Variants in ASIC5 observed in about 807,000 individuals in gnomAD.
ASIC5 encodes acid sensing ion channel subunit family member 5.
In ASIC5, 52 loss-of-function variants were observed where a neutral mutation model predicts 51.2. That is an observed-to-expected ratio of 1.02 (90% CI 0.81 to 1.28). The LOEUF (loss-of-function observed/expected upper bound fraction) is 1.28, where lower values mean the gene tolerates loss of function less well. Among genes scored for constraint, ASIC5 ranks in the 50% most tolerant of loss-of-function variants. The probability of loss-of-function intolerance (pLI) is 0.00; values close to 1 mark genes in which losing one functional copy is unlikely to be tolerated. For missense variants in ASIC5, 635 were observed against 595.0 expected (o/e 1.07, Z -0.70); for synonymous variants, 231 against 200.7 (o/e 1.15, Z -1.28).
At chr4:155,851,074 T>TGAGA (rs1741371665) in intron 4 of ASIC5, among the ~76,000 whole-genome samples, 2 of 152,064 alleles carry the variant, frequency 1.3e-5, no homozygotes, top group African/African-American at 4.8e-5. Context: ...CTTAACTGTC[T>TGAGA]AGTCTGGAGA....
At chr4:155,836,029 A>G (rs1740970930) in intron 8 of ASIC5, among the ~76,000 whole-genome samples, 3 of 152,236 alleles carry the variant, frequency 2.0e-5, no homozygotes, top group Admixed American at 2.0e-4. Context: ...CAAAGAAGAA[A>G]CAAAGAGAAA....
intron 7 of ASIC5, among the ~76,000 whole-genome samples, chr4:155,837,991 A>C (rs535352374): frequency 6.6e-6 from 1 of 152,120 alleles, no homozygotes; most frequent in Non-Finnish European, 1.5e-5. Context: ...TTTCAAGTCT[A>C]TTGGTTAGTA....
intron 2 of ASIC5, among the ~76,000 whole-genome samples, chr4:155,860,745 A>G (rs571260402): frequency 1.3e-5 from 2 of 151,854 alleles, no homozygotes; most frequent in East Asian, 3.9e-4. Context: ...TTTCAATGTC[A>G]TCTAACACAA....
rs1388342551 is a variant in ASIC5, at chr4:155,842,195, G to C, written c.1009+12C>G. The C allele has an allele frequency of 6.2e-7, 1 of 1,612,480 alleles. No homozygotes were observed. Among genetic ancestry groups the C allele is most frequent in the East Asian group, 2.2e-5 (1 of 44,834 alleles). ...GTCTAGTTAAGTAAGGGGGCAGTTA[G>C]TCTTTATTTACCAGGAAGAAGAAAA... On this transcript the variant is annotated intron_variant, in intron 6 of 9. Coordinates refer to ENST00000537611, the MANE Select transcript of ASIC5 (RefSeq NM_017419.3).
chr4:155,838,541 A>G (rs1741045136), intron 7 of ASIC5, among the ~76,000 whole-genome samples: 1 of 152,214 alleles, frequency 6.6e-6, no homozygotes, highest in South Asian at 2.1e-4. Flanking sequence ...AACTTGTTTT[A>G]TTTGTGAAAC....
At chr4:155,837,977 A>T (rs1314591708) in intron 7 of ASIC5, among the ~76,000 whole-genome samples, 1 of 152,176 alleles carries the variant, frequency 6.6e-6, no homozygotes, top group African/African-American at 2.4e-5. Context: ...ATCTGGCAAC[A>T]TCATTTCAAG....
chr4:155,834,343 CA>C (rs756175074), intron 8 of ASIC5, among the ~76,000 whole-genome samples: 6 of 152,130 alleles, frequency 3.9e-5, no homozygotes, highest in Non-Finnish European at 4.4e-5. Flanking sequence ...CTGCTGCTAA[CA>C]TTTCACATTT....
At chr4:155,865,537 T>G (rs1741840257) in intron 1 of ASIC5, among the ~76,000 whole-genome samples, 1 of 152,104 alleles carries the variant, frequency 6.6e-6, no homozygotes. Flanking sequence ...ACAAGCAAAG[T>G]GTGGCTAGTT....
At chr4:155,837,484 T>C (rs1420589165) in intron 7 of ASIC5, among the ~76,000 whole-genome samples, 1 of 152,144 alleles carries the variant, frequency 6.6e-6, no homozygotes, top group Non-Finnish European at 1.5e-5. Flanking sequence ...GTCTCCAGCT[T>C]CCCTTTGGAC....
Position 155,863,562 on chromosome 4 carries a change from C to A in ASIC5, c.233G>T (p.Trp78Leu). ...VVLGSVSLVTWQIYIRLLNYF... is the reference protein window; with the variant it reads ...VVLGSVSLVTLQIYIRLLNYF... ...GTTGAGCAAGCGAATGTAGATCTGCCATGTCACAAGTGAGACTGAGCCCAG... is the reference window on the plus strand; with the variant it reads ...GTTGAGCAAGCGAATGTAGATCTGCAATGTCACAAGTGAGACTGAGCCCAG... Residue 78 changes from tryptophan to leucine, a missense_variant, in exon 2 of 10, where the codon TGG becomes TTG. Physicochemically the swap from Trp to Leu is moderately conservative, Grantham distance 61 (BLOSUM62 -2). Transcript: ENST00000537611. 5.6e-6 allele frequency: 9 copies of A among 1,613,502 alleles called. No individual in the cohort carries two copies. Among genetic ancestry groups the A allele is most frequent in the Non-Finnish European group, 6.8e-6 (8 of 1,179,824 alleles).
At chr4:155,835,513 C>T (rs1249158110) in intron 8 of ASIC5, among the ~76,000 whole-genome samples, 1 of 151,980 alleles carries the variant, frequency 6.6e-6, no homozygotes, top group East Asian at 1.9e-4. Context: ...AAAATCATGC[C>T]TACTTTCTCT....
chr4:155,845,400 G>C (rs1741218129), intron 4 of ASIC5, among the ~76,000 whole-genome samples: 1 of 94,904 alleles, frequency 1.1e-5, no homozygotes, highest in Admixed American at 1.4e-4. Context: ...TTTTTTTTGA[G>C]CAAAAGTTTT....
At chr4:155,848,071 A>G (rs1241804132) in intron 4 of ASIC5, among the ~76,000 whole-genome samples, 3 of 152,082 alleles carry the variant, frequency 2.0e-5, no homozygotes, top group African/African-American at 7.2e-5. Context: ...AAATTTTGGA[A>G]AACAAATTTA....
intron 2 of ASIC5, among the ~76,000 whole-genome samples, chr4:155,855,770 A>G (rs984267016): frequency 6.6e-6 from 1 of 151,258 alleles, no homozygotes; most frequent in African/African-American, 2.4e-5. Context: ...AAATAAAAAT[A>G]TTTACTCTAA....
At chr4:155,836,981 G>C (rs186173539) in intron 7 of ASIC5, 124 bp from the exon 8 acceptor site, 2 of 645,204 alleles carry the variant, frequency 3.1e-6, no homozygotes, top group African/African-American at 3.9e-5. Flanking sequence ...ACAACAAATG[G>C]TGTTTACTCT....
At chr4:155,836,365 T>G (rs2111228458) in intron 8 of ASIC5, among the ~76,000 whole-genome samples, 1 of 152,350 alleles carries the variant, frequency 6.6e-6, no homozygotes, top group Admixed American at 6.5e-5. Context: ...GTGTATAATG[T>G]ACAGGTAGGA....
Position 155,863,740 on chromosome 4 carries a change from T to C in ASIC5, c.55A>G (p.Ile19Val), listed in dbSNP as rs777863082. 4.0e-5 allele frequency: 64 copies of C among 1,612,668 alleles called. 1 individual carries two copies. The South Asian group carries it at 6.7e-4, about 17-fold the overall frequency. The part of the protein sequence containing the change: ...VYAENGLLEK[I>V]KLCLSKKPLP... ...GGTTTCTTTGAAAGGCAAAGCTTTA[T>C]CTTTTCTAAGAGTCCTTAAGGTTTT... The change falls in exon 2 of 10, where the codon ATA becomes GTA. Residue 19 changes from isoleucine to valine, a missense_variant. By Grantham distance (29) the Ile-to-Val change is conservative. Coordinates refer to ENST00000537611, the MANE Select transcript of ASIC5 (RefSeq NM_017419.3).
In ASIC5 at chr4:155,836,801, C is replaced by T. The variant is rs746182041; in HGVS notation, c.1123G>A (p.Val375Ile). 37 of 1,608,322 alleles carry T rather than the reference C, an allele frequency of 2.3e-5. No homozygotes were observed. The highest frequency in any genetic ancestry group is 2.7e-5 in the Non-Finnish European group (32 of 1,175,192). ...GGGTATTCTATTTCTTCACAAGAAA[C>T]GGGGCAGCTAGAGTTATGTGTTCCT... is the stretch of plus-strand genomic sequence containing the variant. ...TVGTHNSSCP[V>I]SCEEIEYPAT... Residue 375 changes from valine (V) to isoleucine (I), a missense_variant, in exon 8 of 10, where the codon GTT (valine) becomes ATT (isoleucine). Physicochemically the swap from Val to Ile is conservative, Grantham distance 29. Transcript: ENST00000537611.
rs773437922 is a variant in ASIC5 at position 155,863,684 on chromosome 4, A to C, written c.111T>G (p.Phe37Leu). The C allele has an allele frequency of 6.2e-7, 1 of 1,613,860 alleles. No homozygotes were observed. The highest frequency in any genetic ancestry group is 8.5e-7 in the Non-Finnish European group (1 of 1,179,916). The change falls in exon 2 of 10, where the codon TTT (phenylalanine) becomes TTG (leucine). Residue 37 changes from phenylalanine (F) to leucine (L), a missense_variant. Phe to Leu is a conservative substitution (Grantham distance 22). Transcript: ENST00000537611. ...PLPSPTERKKFDHDFAISTSF... is the reference protein window; with the variant it reads ...PLPSPTERKKLDHDFAISTSF... Reference sequence around the variant, plus strand: ...AAGTGGAGATGGCAAAGTCATGGTCAAACTTCTTTCGCTCAGTGGGAGATG... The same window carrying C: ...AAGTGGAGATGGCAAAGTCATGGTCCAACTTCTTTCGCTCAGTGGGAGATG...
Sources: allele counts gnomAD v4.1 joint callset (sites outside exome capture counted in the v4.1 genomes callset), GRCh38; gene constraint gnomAD v4.1.1; transcripts MANE v1.5; gene names NCBI Gene and HGNC (gene_info 2026-07-23, HGNC 2026-07-21).